Variants in CHST11 observed in about 807,000 individuals in gnomAD.
CHST11 encodes the protein C4S-1.
Under a neutral mutation model 30.4 loss-of-function variants are expected in CHST11, and 9 were observed. The ratio of observed to expected loss-of-function variants is 0.30; its 90% CI spans 0.18 to 0.52. The LOEUF is 0.52. CHST11 is among the 20% of genes least tolerant of loss of function. The pLI is 0.97. For synonymous variants in CHST11, 152 were observed against 187.8 expected (o/e 0.81, Z 1.56); for missense variants, 348 against 460.6 (o/e 0.76, Z 2.24).
chr12:104,469,706 T>C (rs2037489860), intron 1 of CHST11, among the ~76,000 whole-genome samples: 1 of 152,170 alleles, frequency 6.6e-6, no homozygotes, highest in Non-Finnish European at 1.5e-5. Flanking sequence ...GGCTGGCATT[T>C]GTAGCTGGGG....
chr12:104,625,986 G>A (rs528796744), intron 2 of CHST11, among the ~76,000 whole-genome samples: 1 of 152,226 alleles, frequency 6.6e-6, no homozygotes, highest in Non-Finnish European at 1.5e-5. Context: ...AGGTGATCCA[G>A]TCCTTTTCAT....
intron 1 of CHST11, among the ~76,000 whole-genome samples, chr12:104,527,048 T>C (rs2038133355): frequency 6.6e-6 from 1 of 152,220 alleles, no homozygotes; most frequent in African/African-American, 2.4e-5. Flanking sequence ...TGCCAGTCCT[T>C]TCATGGTGTA....
At chr12:104,660,478 A>G (rs1244436374) in intron 2 of CHST11, among the ~76,000 whole-genome samples, 2 of 152,202 alleles carry the variant, frequency 1.3e-5, no homozygotes, top group Admixed American at 6.5e-5. Flanking sequence ...TTTTCAGCAC[A>G]TTAGAGAAAC....
chr12:104,639,956 G>A (rs1427409491), intron 2 of CHST11, among the ~76,000 whole-genome samples: 1 of 152,212 alleles, frequency 6.6e-6, no homozygotes, highest in African/African-American at 2.4e-5. Context: ...TCTACAGATG[G>A]CAAGTAAGCA....
chr12:104,751,353 G>C (rs2040430377), intron 2 of CHST11, among the ~76,000 whole-genome samples: 1 of 152,172 alleles, frequency 6.6e-6, no homozygotes, highest in Non-Finnish European at 1.5e-5. Context: ...GATGGGCCCT[G>C]TTTCCTTCCT....
At chr12:104,468,470 G>GGCTT (rs985205809) in intron 1 of CHST11, among the ~76,000 whole-genome samples, 1 of 152,100 alleles carries the variant, frequency 6.6e-6, no homozygotes, top group African/African-American at 2.4e-5. Flanking sequence ...AACCAAACCC[G>GGCTT]GCTGTATGAC....
chr12:104,601,299 CCT>C (rs889309670), intron 1 of CHST11, among the ~76,000 whole-genome samples: 35 of 152,162 alleles, frequency 2.3e-4, no homozygotes, highest in African/African-American at 7.0e-4. Flanking sequence ...ACTTATTCCC[CCT>C]CTTTTATTAA....
At chr12:104,633,561 C>T (rs1202869369) in intron 2 of CHST11, among the ~76,000 whole-genome samples, 1 of 151,630 alleles carries the variant, frequency 6.6e-6, no homozygotes, top group Non-Finnish European at 1.5e-5. Context: ...ATTACAGGTG[C>T]CCGCCACCAC....
At chr12:104,572,323 G>A (rs1255836383) in intron 1 of CHST11, among the ~76,000 whole-genome samples, 3 of 151,744 alleles carry the variant, frequency 2.0e-5, no homozygotes, top group Non-Finnish European at 4.4e-5. Context: ...GGTAGAATTC[G>A]GCTGTGAATC....
At chr12:104,731,709 G>A (rs957752186) in intron 2 of CHST11, among the ~76,000 whole-genome samples, 11 of 152,224 alleles carry the variant, frequency 7.2e-5, no homozygotes, top group African/African-American at 1.9e-4. Flanking sequence ...GAAAGGATTC[G>A]GGGTATAATG....
intron 1 of CHST11, among the ~76,000 whole-genome samples, chr12:104,571,469 A>G (rs552881360): frequency 1.6e-4 from 24 of 152,282 alleles, no homozygotes; most frequent in East Asian, 1.5e-3. Context: ...GCGACAGACA[A>G]TATTATTAAG....
intron 2 of CHST11, among the ~76,000 whole-genome samples, chr12:104,724,759 G>T (rs2040204117): frequency 6.6e-6 from 1 of 152,118 alleles, no homozygotes; most frequent in South Asian, 2.1e-4. Flanking sequence ...ATCGGCTGTG[G>T]TCAAATAATA....
In CHST11 at chr12:104,757,990, A is replaced by G. The variant is rs1179849250; in HGVS notation, c.*187A>G. The G allele has an allele frequency of 1.5e-6, 1 of 651,176 alleles. No individual in the cohort carries two copies. The highest frequency in any genetic ancestry group is 1.8e-5 in the African/African-American group (1 of 54,706). 40.3% of individuals were successfully genotyped at this position (651,176 alleles called of 1,614,324 possible). A position where few individuals can be genotyped will look rare whatever the true frequency, so the allele number is the denominator to read the frequency against. On this transcript the variant is annotated 3_prime_UTR_variant, in exon 3 of 3. Transcript: ENST00000303694. This position sits in a 1 kb window ranked among gnomAD's most constrained non-coding sequence, Gnocchi z 6.5. The stretch of plus-strand genomic sequence containing the variant: ...CAGCTGTCTTTGCAGGGGAAATAGG[A>G]TGGGTCGTCCTTGTCTGTAGAAGTG...
chr12:104,655,882 G>A (rs2039540004), intron 2 of CHST11, among the ~76,000 whole-genome samples: 1 of 152,178 alleles, frequency 6.6e-6, no homozygotes, highest in Non-Finnish European at 1.5e-5. Flanking sequence ...GTTGCAAGAA[G>A]TCAAAGTTGG....
intron 1 of CHST11, among the ~76,000 whole-genome samples, chr12:104,475,658 T>TATATATATATATATA (rs2037549998): frequency 2.9e-5 from 1 of 34,172 alleles, no homozygotes; most frequent in Non-Finnish European, 7.4e-5. Context: ...TAAAGCAGCA[T>TATATATATATATATA]TATATATATA....
At chr12:104,504,322 A>G (rs901321755) in intron 1 of CHST11, among the ~76,000 whole-genome samples, 5 of 152,246 alleles carry the variant, frequency 3.3e-5, no homozygotes, top group Admixed American at 6.5e-5. Flanking sequence ...TAATTAGCTC[A>G]CTGGCTTCTC....
chr12:104,524,041 T>C (rs2038100115), intron 1 of CHST11, among the ~76,000 whole-genome samples: 1 of 7,980 alleles, frequency 1.3e-4, no homozygotes, highest in Non-Finnish European at 4.2e-4. Context: ...CTTTCTTTCT[T>C]TTTTTTTTTT....
At chr12:104,677,828 C>T (rs1229775808) in intron 2 of CHST11, among the ~76,000 whole-genome samples, 1 of 152,208 alleles carries the variant, frequency 6.6e-6, no homozygotes. Flanking sequence ...CCTTCCAGCC[C>T]CACCTCATAT....
chr12:104,656,359 C>T (rs1191289499), intron 2 of CHST11, among the ~76,000 whole-genome samples: 1 of 152,188 alleles, frequency 6.6e-6, no homozygotes, highest in Admixed American at 6.5e-5. Context: ...ATGCATCAGG[C>T]TCCCTACTGC....
Sources: gnomAD v4.1 joint callset for allele counts (sites outside exome capture counted in the v4.1 genomes callset) on GRCh38, gnomAD v4.1.1 for gene constraint, Gnocchi (gnomAD v3.1) non-coding constraint, MANE v1.5 for transcripts, NCBI Gene and HGNC (gene_info 2026-07-23, HGNC 2026-07-21) for gene names.